SGCZ: variants seen among roughly 807,000 people sequenced by gnomAD.
SGCZ encodes zeta-sarcoglycan.
Under a neutral mutation model 41.3 loss-of-function variants are expected in SGCZ, and 40 were observed. The observed-to-expected ratio is 0.97, with a 90% CI of 0.75 to 1.26. SGCZ has a LOEUF of 1.26. Ranked by LOEUF, SGCZ falls within the 50% of genes most tolerant of loss-of-function variation. The pLI, the probability that SGCZ is intolerant of heterozygous loss-of-function variation, is 0.00. For synonymous variants in SGCZ, 206 were observed against 137.5 expected, an observed-to-expected ratio of 1.50 and a Z score of -3.49; for missense variants, 552 against 369.8, an observed-to-expected ratio of 1.49 and a Z score of -4.04.
intron 1 of SGCZ, among the ~76,000 whole-genome samples, chr8:14,908,152 G>A (rs2130771857): frequency 6.6e-6 from 1 of 152,258 alleles, no homozygotes; most frequent in African/African-American, 2.4e-5. Flanking sequence ...TCTCTTTGAT[G>A]AGTTGATGGG....
At chr8:14,859,763 T>A (rs570423667) in intron 1 of SGCZ, among the ~76,000 whole-genome samples, 1 of 152,172 alleles carries the variant, frequency 6.6e-6, no homozygotes, top group Non-Finnish European at 1.5e-5. Context: ...CAGCGAAATA[T>A]GAGTGCAAAA....
At chr8:14,169,586 C>G (rs1451831260) in intron 4 of SGCZ, among the ~76,000 whole-genome samples, 1 of 152,120 alleles carries the variant, frequency 6.6e-6, no homozygotes, top group Non-Finnish European at 1.5e-5. Flanking sequence ...CTTTGTCACC[C>G]ATGTCCATCT....
At chr8:14,863,554 A>T (rs1803825586) in intron 1 of SGCZ, among the ~76,000 whole-genome samples, 1 of 152,156 alleles carries the variant, frequency 6.6e-6, no homozygotes, top group Non-Finnish European at 1.5e-5. Flanking sequence ...GAAAGAAGAT[A>T]AAATGAACAC....
At chr8:14,097,023 T>C (rs1801867787) in intron 7 of SGCZ, among the ~76,000 whole-genome samples, 1 of 152,128 alleles carries the variant, frequency 6.6e-6, no homozygotes. Flanking sequence ...TAGCGGTCTA[T>C]TTTGTTGATC....
At chr8:14,277,366 G>C (rs1800272722) in intron 3 of SGCZ, among the ~76,000 whole-genome samples, 1 of 151,952 alleles carries the variant, frequency 6.6e-6, no homozygotes. Flanking sequence ...TTTATCTGGT[G>C]AACTTCAAAT....
intron 2 of SGCZ, among the ~76,000 whole-genome samples, chr8:14,475,067 T>C (rs1295610947): frequency 6.6e-6 from 1 of 152,172 alleles, no homozygotes; most frequent in Non-Finnish European, 1.5e-5. Context: ...TGTTGTTTTT[T>C]AAGGAAGTGG....
At chr8:14,375,817 GAAC>G (rs1175413037) in intron 2 of SGCZ, among the ~76,000 whole-genome samples, 1 of 151,870 alleles carries the variant, frequency 6.6e-6, no homozygotes, top group African/African-American at 2.4e-5. Context: ...ATCAGAAGCA[GAAC>G]AATAAATAAA....
chr8:15,113,981 G>C (rs1011851996), intron 1 of SGCZ, among the ~76,000 whole-genome samples: 3 of 152,154 alleles, frequency 2.0e-5, no homozygotes, highest in Non-Finnish European at 2.9e-5. Flanking sequence ...TTTTTTGACA[G>C]AAAACAAGAT....
At chr8:14,187,625 G>T (rs1209673580) in intron 4 of SGCZ, among the ~76,000 whole-genome samples, 1 of 151,474 alleles carries the variant, frequency 6.6e-6, no homozygotes, top group African/African-American at 2.4e-5. Flanking sequence ...AAGAAAAAAA[G>T]AATTAATGAT....
intron 1 of SGCZ, among the ~76,000 whole-genome samples, chr8:15,130,358 C>T (rs1807854531): frequency 6.6e-6 from 1 of 152,124 alleles, no homozygotes; most frequent in Non-Finnish European, 1.5e-5. Context: ...ACATATCTAC[C>T]CAGTGTGCTG....
At chr8:14,272,705 A>C (rs974200119) in intron 3 of SGCZ, among the ~76,000 whole-genome samples, 5 of 152,174 alleles carry the variant, frequency 3.3e-5, no homozygotes, top group Non-Finnish European at 7.3e-5. Context: ...TGAGGTTAGT[A>C]GGGAATGACT....
At chr8:15,113,122 G>A (rs1034955207) in intron 1 of SGCZ, among the ~76,000 whole-genome samples, 9 of 151,130 alleles carry the variant, frequency 6.0e-5, no homozygotes, top group African/African-American at 2.2e-4. Flanking sequence ...GGTGGGAGCA[G>A]CGCTTGAGTC....
intron 3 of SGCZ, among the ~76,000 whole-genome samples, chr8:14,259,107 T>C (rs910906506): frequency 3.3e-5 from 5 of 152,214 alleles, no homozygotes; most frequent in Non-Finnish European, 7.3e-5. Flanking sequence ...GGGTAACCTC[T>C]AGTATACGGA....
chr8:14,522,388 G>C (rs540695980), intron 2 of SGCZ, among the ~76,000 whole-genome samples: 1 of 152,074 alleles, frequency 6.6e-6, no homozygotes, highest in Middle Eastern at 3.4e-3. Flanking sequence ...TTTTATTGGT[G>C]ATATTTGCAA....
At chr8:14,295,915 A>G (rs1563241527) in intron 3 of SGCZ, among the ~76,000 whole-genome samples, 2 of 152,144 alleles carry the variant, frequency 1.3e-5, no homozygotes, top group South Asian at 4.1e-4. Context: ...TCTGTAGCCA[A>G]ACATAAAGTA....
chr8:14,326,430 A>G (rs1242115441), intron 2 of SGCZ, among the ~76,000 whole-genome samples: 1 of 152,196 alleles, frequency 6.6e-6, no homozygotes, highest in Non-Finnish European at 1.5e-5. Context: ...GGATTTAACT[A>G]AGAATTGAAG....
intron 4 of SGCZ, among the ~76,000 whole-genome samples, chr8:14,227,293 G>T (rs562174325): frequency 6.6e-6 from 1 of 152,132 alleles, no homozygotes; most frequent in Admixed American, 6.6e-5. Context: ...CATGAGAAAA[G>T]GTGATCTCCA....
At chr8:14,844,928 G>A (rs905201693) in intron 1 of SGCZ, among the ~76,000 whole-genome samples, 1 of 152,126 alleles carries the variant, frequency 6.6e-6, no homozygotes, top group African/African-American at 2.4e-5. Context: ...ATGCAGGGAG[G>A]GAATACCCAG....
chr8:14,182,108 T>C (rs958063270), intron 4 of SGCZ, among the ~76,000 whole-genome samples: 2 of 152,174 alleles, frequency 1.3e-5, no homozygotes, highest in Non-Finnish European at 2.9e-5. Context: ...ATGGGTACAC[T>C]TATAGGCCTG....
Sources: gnomAD v4.1 joint callset for allele counts (sites outside exome capture counted in the v4.1 genomes callset) on GRCh38, gnomAD v4.1.1 for gene constraint, MANE v1.5 for transcripts, NCBI Gene and HGNC (gene_info 2026-07-23, HGNC 2026-07-21) for gene names.